Variants in FLT1 observed in about 807,000 individuals in gnomAD.
FLT1 encodes vascular endothelial growth factor receptor 1.
A neutral mutation model predicts 156.3 loss-of-function variants in FLT1; 49 were observed. That is an observed-to-expected ratio of 0.31 (90% CI 0.25 to 0.40). FLT1 has a LOEUF of 0.40. Among genes scored for constraint, FLT1 ranks in the 10% least tolerant of loss-of-function variants. The probability of loss-of-function intolerance (pLI) is 1.00; values close to 1 mark genes in which losing one functional copy is unlikely to be tolerated. For synonymous variants in FLT1, 594 were observed against 583.8 expected (o/e 1.02, Z -0.25); for missense variants, 1,322 against 1,637.2 (o/e 0.81, Z 3.32).
intron 11 of FLT1, 146 bp from the exon 12 acceptor site, chr13:28,397,214 C>T: frequency 1.5e-6 from 1 of 650,850 alleles, no homozygotes; most frequent in South Asian, 1.8e-5. Flanking sequence ...AGAAGGCTCT[C>T]CCCTTGCCGA....
intron 14 of FLT1, among the ~76,000 whole-genome samples, chr13:28,365,068 T>C (rs1873239778): frequency 2.0e-5 from 3 of 152,202 alleles, no homozygotes; most frequent in Admixed American, 6.5e-5. Flanking sequence ...TGGAACCATA[T>C]GGAATTGCCA....
intron 1 of FLT1, among the ~76,000 whole-genome samples, chr13:28,489,156 G>A (rs1206527692): frequency 6.6e-6 from 1 of 152,136 alleles, no homozygotes; most frequent in East Asian, 1.9e-4. Context: ...CATCTCAATC[G>A]CTCACTGAAG....
chr13:28,319,945 G>A (rs1385464171), intron 23 of FLT1, among the ~76,000 whole-genome samples: 1 of 152,194 alleles, frequency 6.6e-6, no homozygotes, highest in Non-Finnish European at 1.5e-5. Context: ...GATTTTGAAA[G>A]CATTCCTATG....
intron 8 of FLT1, 116 bp downstream of exon 8, chr13:28,429,934 G>C: frequency 1.2e-6 from 1 of 801,250 alleles, no homozygotes; most frequent in Non-Finnish European, 2.3e-6. Flanking sequence ...GAGCTCTCTG[G>C]GGCTGTCTGA....
intron 14 of FLT1, among the ~76,000 whole-genome samples, chr13:28,364,820 C>T (rs751711367): frequency 1.3e-5 from 2 of 151,992 alleles, no homozygotes; most frequent in Non-Finnish European, 2.9e-5. Context: ...TTTATCTATC[C>T]CTGTACCACA....
intron 19 of FLT1, among the ~76,000 whole-genome samples, chr13:28,327,756 C>CAAAAAAAAAAAA: frequency 8.1e-6 from 1 of 122,764 alleles, no homozygotes; most frequent in Non-Finnish European, 1.7e-5. Context: ...AATTGAAATA[C>CAAAAAAAAAAAA]AAAAAAAAAA....
chr13:28,463,132 A>G (rs1478130145), intron 3 of FLT1, among the ~76,000 whole-genome samples: 3 of 152,228 alleles, frequency 2.0e-5, no homozygotes, highest in Non-Finnish European at 4.4e-5. Flanking sequence ...AAATTATTAT[A>G]TTAGCGGAAA....
intron 17 of FLT1, among the ~76,000 whole-genome samples, chr13:28,334,875 C>G (rs751757927): frequency 8.6e-5 from 13 of 151,964 alleles, no homozygotes; most frequent in Non-Finnish European, 1.2e-4. Flanking sequence ...GGAGTCCTTG[C>G]CCCCCTTTAC....
At chr13:28,489,888 T>C (rs1244047251) in intron 1 of FLT1, among the ~76,000 whole-genome samples, 1 of 152,236 alleles carries the variant, frequency 6.6e-6, no homozygotes, top group Non-Finnish European at 1.5e-5. Context: ...GCAGCCATCA[T>C]TTTGATTCTT....
chr13:28,388,247 T>A, intron 13 of FLT1: 1 of 1,057,354 alleles, frequency 9.5e-7, no homozygotes, highest in Non-Finnish European at 1.1e-6. Context: ...AAAACTGGCA[T>A]TCTGGGGAAA....
At chr13:28,406,965 G>A (rs1875843123) in intron 10 of FLT1, among the ~76,000 whole-genome samples, 1 of 152,182 alleles carries the variant, frequency 6.6e-6, no homozygotes, top group East Asian at 1.9e-4. Context: ...TGGTCCTTGA[G>A]CTGAGAAGGA....
chr13:28,464,765 C>G (rs924417336), intron 3 of FLT1, among the ~76,000 whole-genome samples: 2 of 152,180 alleles, frequency 1.3e-5, no homozygotes, highest in African/African-American at 4.8e-5. Flanking sequence ...CTTGCACTCC[C>G]TGGCTTCATA....
intron 28 of FLT1, 31 bp downstream of exon 28, chr13:28,308,812 G>A: frequency 7.4e-7 from 1 of 1,345,498 alleles, no homozygotes; most frequent in Non-Finnish European, 1.1e-6. Flanking sequence ...GTCTATCGGG[G>A]TGCACTAGGT....
intron 1 of FLT1, among the ~76,000 whole-genome samples, chr13:28,492,720 C>G (rs962184543): frequency 2.0e-5 from 3 of 152,192 alleles, no homozygotes; most frequent in African/African-American, 7.2e-5. Flanking sequence ...CCCGGATATG[C>G]AGCCTCTCAG....
chr13:28,416,304 C>T (rs1876644495), intron 10 of FLT1, among the ~76,000 whole-genome samples: 1 of 152,196 alleles, frequency 6.6e-6, no homozygotes, highest in African/African-American at 2.4e-5. Flanking sequence ...CTTGATGTCA[C>T]CACACTGGTT....
intron 10 of FLT1, among the ~76,000 whole-genome samples, chr13:28,412,396 C>CCTTCTTTCTTTT (rs1876340894): frequency 7.5e-6 from 1 of 133,770 alleles, no homozygotes; most frequent in African/African-American, 2.8e-5. Context: ...TTCTTTCTTT[C>CCTTCTTTCTTTT]TTTCTTTCTT....
At chr13:28,429,179 G>A (rs1426603852) in intron 8 of FLT1, among the ~76,000 whole-genome samples, 1 of 152,130 alleles carries the variant, frequency 6.6e-6, no homozygotes, top group South Asian at 2.1e-4. Flanking sequence ...ATGGCATGAA[G>A]ACATAGCACA....
At chr13:28,485,443 T>TTTTA (rs2137663804) in intron 1 of FLT1, among the ~76,000 whole-genome samples, 1 of 152,086 alleles carries the variant, frequency 6.6e-6, no homozygotes, top group South Asian at 2.1e-4. Context: ...CTGGGGCCTG[T>TTTTA]TTTATTTTTT....
At chr13:28,342,934 T>TTCTG (rs1872391776) in intron 16 of FLT1, among the ~76,000 whole-genome samples, 1 of 63,824 alleles carries the variant, frequency 1.6e-5, no homozygotes, top group Admixed American at 2.1e-4. Flanking sequence ...GTACCATAAT[T>TTCTG]TCTTTCTTTC....
Sources: allele counts gnomAD v4.1 joint callset (sites outside exome capture counted in the v4.1 genomes callset), GRCh38; gene constraint gnomAD v4.1.1; transcripts MANE v1.5; gene names NCBI Gene and HGNC (gene_info 2026-07-23, HGNC 2026-07-21).